Variants in CUL4B observed in about 807,000 individuals in gnomAD.
The protein encoded by CUL4B is cullin 4B.
A neutral mutation model predicts 69.2 loss-of-function variants in CUL4B; 1 was observed. That is an observed-to-expected ratio of 0.01 (90% CI 0.01 to 0.07). The LOEUF (loss-of-function observed/expected upper bound fraction) is 0.07, where lower values mean the gene tolerates loss of function less well. Ranked by LOEUF, CUL4B falls within the 10% of genes least tolerant of loss-of-function variation. CUL4B has a pLI of 1.00. For synonymous variants in CUL4B, 237 were observed against 223.2 expected, an observed-to-expected ratio of 1.06 and a Z score of -0.55; for missense variants, 328 against 638.8, an observed-to-expected ratio of 0.51 and a Z score of 5.24.
chrX:120,558,248 C>T (rs1925094877), intron 1 of CUL4B, among the ~76,000 whole-genome samples: 1 of 111,481 alleles, frequency 9.0e-6, no homozygotes, highest in Non-Finnish European at 1.9e-5. Flanking sequence ...TTTTGACTCA[C>T]CTATTAAAAT....
At chrX:120,554,579 T>C (rs900638747) in intron 2 of CUL4B, among the ~76,000 whole-genome samples, 8 of 112,475 alleles carry the variant, frequency 7.1e-5, no homozygotes, top group African/African-American at 1.3e-4. Context: ...TGTTCTTTTA[T>C]AGAAATTAAA....
At chrX:120,538,610 A>ATT (rs1457123191) in intron 13 of CUL4B, 50 bp downstream of exon 13, 1 of 829,175 alleles carries the variant, frequency 1.2e-6, no homozygotes, top group East Asian at 3.1e-5. Context: ...AAAAGCTAAC[A>ATT]TTCTCCTTCA....
chrX:120,540,956 CT>C (rs1170961659), intron 10 of CUL4B, among the ~76,000 whole-genome samples: 1 of 112,440 alleles, frequency 8.9e-6, no homozygotes, highest in East Asian at 2.8e-4. Flanking sequence ...GGATCTTTTC[CT>C]TATTTTTAAA....
downstream of CUL4B, among the ~76,000 whole-genome samples, chrX:120,570,452 A>G (rs764197401): frequency 4.4e-5 from 5 of 112,540 alleles, no homozygotes; most frequent in South Asian, 1.5e-3. Flanking sequence ...CTTTTATGCT[A>G]AAACAGCAGA....
At chrX:120,546,521 G>A (rs377510489) in intron 4 of CUL4B, 26 bp downstream of exon 4, 31 of 1,143,058 alleles carry the variant, frequency 2.7e-5, no homozygotes, top group South Asian at 2.0e-4. Flanking sequence ...ATGTTTAGCC[G>A]AAATACAATA....
At chrX:120,557,387 C>A (rs1925042794) in intron 2 of CUL4B, among the ~76,000 whole-genome samples, 1 of 111,741 alleles carries the variant, frequency 8.9e-6, no homozygotes, top group Non-Finnish European at 1.9e-5. Context: ...AGAATCTGAA[C>A]CTCAGACTAA....
chrX:120,532,246 G>A, intron 18 of CUL4B, 176 bp downstream of exon 18: 1 of 434,265 alleles, frequency 2.3e-6, no homozygotes, highest in African/African-American at 2.4e-5. Context: ...TCTCAATCCT[G>A]TACAACCACT....
At chrX:120,572,464 C>CAAAAAA (rs66749436) in intron 2 of CUL4B, among the ~76,000 whole-genome samples, 28 of 50,267 alleles carry the variant, frequency 5.6e-4, no homozygotes, top group East Asian at 1.3e-3. Context: ...CAAAACTCCT[C>CAAAAAA]AAAAAAAAAA....
At position 120,530,090 on chromosome X, in the gene CUL4B, A is replaced by G; in HGVS notation, c.2592+12T>C. On this transcript the variant is annotated intron_variant, in intron 19 of 19. Coordinates refer to ENST00000371322, the MANE Select transcript of CUL4B (RefSeq NM_001079872.2). ...TATAACACGCTCAATAGGAAAACAC[A>G]GAAGTACCTACCTTTACTGGAAATT... The G allele has an allele frequency of 1.0e-5, 12 of 1,205,632 alleles. No individual in the cohort carries two copies. Among genetic ancestry groups the G allele is most frequent in the Non-Finnish European group, 1.3e-5 (12 of 890,206 alleles).
In CUL4B at chrX:120,531,595, G is replaced by T. The variant is rs751504082; in HGVS notation, c.2439+827C>A. 4.6e-5 allele frequency among the ~76,000 whole-genome samples: 5 copies of T among 108,618 alleles called. No homozygotes were observed. The East Asian group carries it at 1.5e-3, about 32-fold the overall frequency. 94.3% of individuals were successfully genotyped at this position (108,618 alleles called of 115,157 possible). On this transcript the variant is annotated intron_variant, in intron 18 of 19. Coordinates refer to ENST00000371322, the MANE Select transcript of CUL4B (RefSeq NM_001079872.2). ...ATGCCTCAGCCTCCCAAGTAGCTGG[G>T]ACTACAAGCACGCACCACCACGCCC...
intron 2 of CUL4B, among the ~76,000 whole-genome samples, chrX:120,548,936 G>A (rs1220861134): frequency 8.9e-6 from 1 of 112,254 alleles, no homozygotes; most frequent in Non-Finnish European, 1.9e-5. Context: ...AACTGAATTG[G>A]TCTTCTTTTA....
intron 19 of CUL4B, 38 bp from the exon 20 acceptor site, chrX:120,526,894 A>G (rs760980494): frequency 4.5e-6 from 4 of 884,117 alleles, no homozygotes; most frequent in Non-Finnish European, 6.6e-6. Context: ...AAAGTTCATT[A>G]TCATTGGCTC....
At position 120,532,485 on chromosome X, in the gene CUL4B, A is replaced by G. The variant is rs1444313350; in HGVS notation, c.2376T>C (p.Cys792=). ...AAAGTTTATGTTTGAAATCATCATT[A>G]CAAATGAACTTGTCACCATCTTCAA... The part of the protein sequence containing the change: ...KDIEDGDKFI[C]NDDFKHKLFR... The change falls in exon 18 of 20, where the codon TGT becomes TGC. Residue 792 remains cysteine (C), a synonymous_variant. Coordinates refer to ENST00000371322, the MANE Select transcript of CUL4B (RefSeq NM_001079872.2). 3 of 1,204,175 alleles carry G rather than the reference A, an allele frequency of 2.5e-6. No individual in the cohort carries two copies. The highest frequency in any genetic ancestry group is 3.4e-6 in the Non-Finnish European group (3 of 888,733).
rs139699873 is a variant in CUL4B, at chrX:120,527,348, G to A, written c.2593-492C>T. Among the ~76,000 whole-genome samples the A allele has an allele frequency of 4.6e-3, 513 of 111,266 alleles. 5 individuals are homozygous for A. Among genetic ancestry groups the A allele is most frequent in the African/African-American group, 0.016 (490 of 30,628 alleles). ...GCTGGGATTACAGGGATGAGCCACC[G>A]TGCCCAGGTATGTTGAAGATTCTTT... On this transcript the variant is annotated intron_variant, in intron 19 of 19. Transcript: ENST00000371322.
chrX:120,545,742 C>G (rs1924276283), intron 4 of CUL4B, among the ~76,000 whole-genome samples: 1 of 108,989 alleles, frequency 9.2e-6, no homozygotes, highest in Admixed American at 1.0e-4. Flanking sequence ...TAAAATGGCC[C>G]TCTGATTTAC....
At chrX:120,550,164 C>G (rs1203324645) in intron 2 of CUL4B, among the ~76,000 whole-genome samples, 1 of 111,972 alleles carries the variant, frequency 8.9e-6, no homozygotes, top group Non-Finnish European at 1.9e-5. Flanking sequence ...GTCATTGAGT[C>G]AACACTATTT....
intron 16 of CUL4B, among the ~76,000 whole-genome samples, chrX:120,535,520 T>C (rs953377281): frequency 9.2e-6 from 1 of 108,820 alleles, no homozygotes; most frequent in Non-Finnish European, 1.9e-5. Flanking sequence ...CTGGCCAACA[T>C]GGTGAAACCC....
At chrX:120,548,518 T>C (rs1162077559) in intron 2 of CUL4B, among the ~76,000 whole-genome samples, 1 of 111,418 alleles carries the variant, frequency 9.0e-6, no homozygotes, top group East Asian at 2.8e-4. Context: ...ACATTTCAGT[T>C]TAAGAATAGT....
intron 2 of CUL4B, among the ~76,000 whole-genome samples, chrX:120,572,464 C>CAAAAAAAAAA (rs66749436): frequency 1.6e-4 from 8 of 50,379 alleles, no homozygotes; most frequent in East Asian, 1.3e-3. Flanking sequence ...CAAAACTCCT[C>CAAAAAAAAAA]AAAAAAAAAA....
Sources: allele counts gnomAD v4.1 joint callset (sites outside exome capture counted in the v4.1 genomes callset), GRCh38; gene constraint gnomAD v4.1.1; transcripts MANE v1.5; gene names NCBI Gene and HGNC (gene_info 2026-07-23, HGNC 2026-07-21).